FAM177A1: variants seen among roughly 807,000 people sequenced by gnomAD.
FAM177A1 encodes the protein family with sequence similarity 177 member A1, also known as protein FAM177A1.
A neutral mutation model predicts 26.1 loss-of-function variants in FAM177A1; 22 were observed. The ratio of observed to expected loss-of-function variants is 0.84; its 90% CI spans 0.60 to 1.20. FAM177A1 has a LOEUF of 1.20. FAM177A1 is among the 50% of genes most tolerant of loss of function. FAM177A1 has a pLI of 0.00. For synonymous variants in FAM177A1, 95 were observed against 99.3 expected (o/e 0.96, Z 0.26); for missense variants, 296 against 291.1 (o/e 1.02, Z -0.12).
At chr14:35,051,718 C>A (rs1394292474) in intron 1 of FAM177A1, among the ~76,000 whole-genome samples, 3 of 152,062 alleles carry the variant, frequency 2.0e-5, no homozygotes, top group Non-Finnish European at 4.4e-5. Context: ...TGGCCTGTTA[C>A]CAAATTTTCA....
In FAM177A1 at chr14:35,053,431, G is replaced by A. The variant is rs750082536; in HGVS notation, c.319G>A (p.Val107Ile). ...DEVDGLEKKD[V>I]LPTVDPTKLT... Reference sequence around the variant, plus strand: ...AGTTGATGGCCTGGAGAAGAAAGATGTTTTGCCTACTGTTGATCCGGTAGG... The same window carrying A: ...AGTTGATGGCCTGGAGAAGAAAGATATTTTGCCTACTGTTGATCCGGTAGG... Residue 107 changes from valine (V) to isoleucine (I), a missense_variant, in exon 2 of 5, where the codon GTT (valine) becomes ATT (isoleucine). Physicochemically the swap from Val to Ile is conservative, Grantham distance 29. Coordinates refer to ENST00000280987, the MANE Select transcript of FAM177A1 (RefSeq NM_173607.5). 6.2e-7 allele frequency: 1 copy of A among 1,613,968 alleles called. No individual in the cohort carries two copies. Among genetic ancestry groups the A allele is most frequent in the Non-Finnish European group, 8.5e-7 (1 of 1,179,990 alleles).
chr14:35,070,696 A>G (rs541645567), intron 2 of FAM177A1, among the ~76,000 whole-genome samples: 21 of 152,180 alleles, frequency 1.4e-4, no homozygotes, highest in Non-Finnish European at 2.6e-4. Context: ...TCTAGTGTGA[A>G]GTTTTGCAAT....
Position 35,081,136 on chromosome 14 carries a change from T to A in FAM177A1, c.619T>A (p.Ser207Thr). 6.2e-7 allele frequency: 1 copy of A among 1,613,734 alleles called. No individual in the cohort carries two copies. Among genetic ancestry groups the A allele is most frequent in the Non-Finnish European group, 8.5e-7 (1 of 1,179,882 alleles). The stretch of plus-strand genomic sequence containing the variant: ...GACAGATCAACCAGAGACAGTGATA[T>A]CCAGCTCATTTGTGAATGTCAATTT... The part of the protein sequence containing the change: ...VQTDQPETVI[S>T]SSFVNVNFEM... The change falls in exon 5 of 5, where the codon TCC becomes ACC. Residue 207 changes from serine to threonine, a missense_variant. Transcript: ENST00000280987.
chr14:35,051,963 G>T (rs1432581837), intron 1 of FAM177A1, among the ~76,000 whole-genome samples: 3 of 152,150 alleles, frequency 2.0e-5, no homozygotes, highest in Admixed American at 1.3e-4. Context: ...GCAGTCATGG[G>T]TTTAAATTAT....
At chr14:35,047,461 G>C (rs1294566999) in intron 1 of FAM177A1, among the ~76,000 whole-genome samples, 1 of 152,138 alleles carries the variant, frequency 6.6e-6, no homozygotes, top group African/African-American at 2.4e-5. Context: ...GGTTTAGAGA[G>C]TTAACGTTTC....
chr14:35,053,473 C>T, intron 2 of FAM177A1, 22 bp downstream of exon 2: 1 of 1,610,674 alleles, frequency 6.2e-7, no homozygotes, highest in Non-Finnish European at 8.5e-7. Flanking sequence ...ATTGATGATT[C>T]TTTCCTCAGT....
Position 35,083,310 on chromosome 14 carries a change from A to G in FAM177A1, c.*2082A>G, listed in dbSNP as rs910587136. On this transcript the variant is annotated 3_prime_UTR_variant, in exon 5 of 5. Coordinates refer to ENST00000280987, the MANE Select transcript of FAM177A1 (RefSeq NM_173607.5). The stretch of plus-strand genomic sequence containing the variant: ...AATAGTGGCTAGTTTATGTTTATCA[A>G]TATAGTTATTCACTGTGCCTTAAGT... The G allele has an allele frequency of 6.5e-6, 1 of 152,680 alleles. No homozygotes were observed. Among genetic ancestry groups the G allele is most frequent in the Non-Finnish European group, 1.5e-5 (1 of 68,052 alleles). The allele number at this position is 152,680 out of a possible 1,614,324, so 9.5% of individuals were successfully genotyped here.
intron 2 of FAM177A1, among the ~76,000 whole-genome samples, chr14:35,073,679 A>G (rs932482652): frequency 1.3e-5 from 2 of 152,238 alleles, no homozygotes; most frequent in African/African-American, 4.8e-5. Flanking sequence ...AGTACAGACA[A>G]AAGACTGGTA....
chr14:35,072,884 A>G (rs1400463836), intron 2 of FAM177A1, among the ~76,000 whole-genome samples: 1 of 152,072 alleles, frequency 6.6e-6, no homozygotes, highest in Non-Finnish European at 1.5e-5. Context: ...CATATCTTTC[A>G]TGATTTCATT....
chr14:35,050,635 G>A (rs961581265), intron 1 of FAM177A1: 13 of 152,122 alleles, frequency 8.5e-5, no homozygotes, highest in African/African-American at 2.2e-4. Flanking sequence ...TACTGTCTTG[G>A]GGGTGGGATA....
intron 3 of FAM177A1, among the ~76,000 whole-genome samples, chr14:35,077,708 T>C (rs1377061119): frequency 6.6e-6 from 1 of 151,360 alleles, no homozygotes; most frequent in Non-Finnish European, 1.5e-5. Context: ...GGTCTCGATC[T>C]CCTGACCTCA....
At chr14:35,052,249 C>G in intron 1 of FAM177A1, among the ~76,000 whole-genome samples, 1 of 147,132 alleles carries the variant, frequency 6.8e-6, no homozygotes, top group East Asian at 2.0e-4. Context: ...AGGCAGTTTT[C>G]TTTTTTTTTT....
At chr14:35,049,298 G>A (rs1300680623) in intron 1 of FAM177A1, among the ~76,000 whole-genome samples, 1 of 152,150 alleles carries the variant, frequency 6.6e-6, no homozygotes, top group Non-Finnish European at 1.5e-5. Flanking sequence ...CTCAGTGATT[G>A]ATTTATTTGG....
At chr14:35,067,788 A>G (rs2045261781) in intron 2 of FAM177A1, among the ~76,000 whole-genome samples, 1 of 152,142 alleles carries the variant, frequency 6.6e-6, no homozygotes. Flanking sequence ...GTGATGTTGA[A>G]CATTTTTTCA....
intron 3 of FAM177A1, among the ~76,000 whole-genome samples, chr14:35,077,483 T>C: frequency 7.4e-6 from 1 of 135,470 alleles, no homozygotes; most frequent in Non-Finnish European, 1.6e-5. Flanking sequence ...TTTTTTTTTT[T>C]TTTTTTTTTT....
chr14:35,053,501 A>AT (rs747510001), intron 2 of FAM177A1, 50 bp downstream of exon 2: 31 of 1,581,174 alleles, frequency 2.0e-5, no homozygotes, highest in South Asian at 5.7e-5. Context: ...GTTTTGATTT[A>AT]TTTTTTTTCC....
rs1460555847 is a variant in FAM177A1 at position 35,081,085 on chromosome 14, A to C, written c.568A>C (p.Lys190Gln). ...AGCAGAAAAACAATATCAACAGAAT[A>C]AATTGCAGACTGATTCCATTGTTCA... ...EEAEKQYQQN[K>Q]LQTDSIVQTD... The change falls in exon 5 of 5, where the codon AAA (lysine) becomes CAA (glutamine). Residue 190 changes from lysine (K) to glutamine (Q), a missense_variant. Lys to Gln is a moderately conservative substitution (Grantham distance 53). Coordinates refer to ENST00000280987, the MANE Select transcript of FAM177A1 (RefSeq NM_173607.5). 1.9e-6 allele frequency: 3 copies of C among 1,613,426 alleles called. No individual in the cohort carries two copies. In the Admixed American group the frequency reaches 5.0e-5, roughly 27 times the overall value.
chr14:35,067,817 A>G (rs971391087), intron 2 of FAM177A1, among the ~76,000 whole-genome samples: 5 of 152,214 alleles, frequency 3.3e-5, no homozygotes, highest in African/African-American at 9.7e-5. Flanking sequence ...TTGACTATTC[A>G]TATGCCTTCT....
intron 2 of FAM177A1, among the ~76,000 whole-genome samples, chr14:35,075,198 T>C (rs2045376785): frequency 6.6e-6 from 1 of 152,188 alleles, no homozygotes; most frequent in African/African-American, 2.4e-5. Context: ...ACAAAATTCA[T>C]TTGGAATTAT....
Sources: allele counts gnomAD v4.1 joint callset (sites outside exome capture counted in the v4.1 genomes callset), GRCh38; gene constraint gnomAD v4.1.1; transcripts MANE v1.5; gene names NCBI Gene and HGNC (gene_info 2026-07-23, HGNC 2026-07-21).